THAP12: variants seen among roughly 807,000 people sequenced by gnomAD.
THAP12 encodes the protein 52 kDa repressor of the inhibitor of the protein kinase.
THAP12 carries 20 observed loss-of-function variants against 63.0 expected under a neutral mutation model. The observed-to-expected ratio is 0.32, with a 90% confidence interval of 0.22 to 0.46. The LOEUF (loss-of-function observed/expected upper bound fraction) is 0.46, where lower values mean the gene tolerates loss of function less well. THAP12 is among the 20% of genes least tolerant of loss of function. THAP12 has a pLI of 1.00. For synonymous variants in THAP12, 264 were observed against 328.4 expected, an observed-to-expected ratio of 0.80 and a Z score of 2.12; for missense variants, 568 against 908.2, an observed-to-expected ratio of 0.63 and a Z score of 4.81.
intron 1 of THAP12, among the ~76,000 whole-genome samples, chr11:76,374,565 A>G (rs1946695926): frequency 6.6e-6 from 1 of 152,168 alleles, no homozygotes; most frequent in Admixed American, 6.5e-5. Context: ...TTCTGAGAAA[A>G]TGTCTACTGA....
chr11:76,351,329 C>T lies in THAP12; in HGVS notation c.1821G>A (p.Leu607=). ...QHLKALKCLS[L]VPSVMGQLKF... is the part of the protein sequence containing the mutation. Reference sequence around the variant, plus strand: ...TGAGTTGTCCCATGACTGAGGGTACCAGAGATAAGCATTTAAGAGCTTTGA... The same window carrying T: ...TGAGTTGTCCCATGACTGAGGGTACTAGAGATAAGCATTTAAGAGCTTTGA... The change falls in exon 5 of 5, where the codon CTG becomes CTA. Residue 607 remains leucine, a synonymous_variant. Transcript: ENST00000260045. The T allele has an allele frequency of 2.1e-5, 33 of 1,590,266 alleles. No individual in the cohort carries two copies. Among genetic ancestry groups the T allele is most frequent in the Non-Finnish European group, 2.8e-5 (33 of 1,163,720 alleles).
chr11:76,376,209 T>C (rs1033552144), intron 1 of THAP12, among the ~76,000 whole-genome samples: 2 of 152,270 alleles, frequency 1.3e-5, no homozygotes, highest in East Asian at 1.9e-4. Context: ...AATTCTGTTG[T>C]ATTTTACCAA....
chr11:76,353,007 T>C (rs1946538344), intron 4 of THAP12, among the ~76,000 whole-genome samples: 1 of 152,158 alleles, frequency 6.6e-6, no homozygotes, highest in African/African-American at 2.4e-5. Flanking sequence ...TAAAGAGATA[T>C]ATTTTAATCC....
chr11:76,365,668 C>T (rs1946626479), intron 2 of THAP12, among the ~76,000 whole-genome samples, 184 bp downstream of exon 2: 1 of 152,052 alleles, frequency 6.6e-6, no homozygotes, highest in Non-Finnish European at 1.5e-5. Context: ...ATTATAGGCC[C>T]CCGGCAAAAT....
rs1053049225 is a variant in THAP12 at position 76,381,108 on chromosome 11, C to T, written c.-272G>A. The T allele has an allele frequency of 2.2e-5, 4 of 181,030 alleles. No homozygotes were observed. The highest frequency in any genetic ancestry group is 9.5e-5 in the African/African-American group (4 of 42,274). The allele number at this position is 181,030 out of a possible 1,614,324, so 11.2% of individuals were successfully genotyped here. On this transcript the variant is annotated 5_prime_UTR_variant, in exon 1 of 5. Transcript: ENST00000260045. ...TGGTGCACCTCCCGCCCGCCCGAGA[C>T]GCTGCCGCCTCCTTCCCACAATGCA...
intron 1 of THAP12, among the ~76,000 whole-genome samples, chr11:76,366,651 A>G (rs900987982): frequency 7.2e-5 from 11 of 152,014 alleles, no homozygotes; most frequent in African/African-American, 2.7e-4. Flanking sequence ...ACTGCACTCC[A>G]GCCTGGGTGA....
rs1253909017 is a variant in THAP12 at position 76,364,044 on chromosome 11, TCTAA to T, written c.210+1804_210+1807del. On this transcript the variant is annotated intron_variant, in intron 2 of 4. Transcript: ENST00000260045. ...CCTGGCTCATCTTTCTGTTCTATTC[TCTAA>T]CTAAAGAATGTAAGAATGAACTATC... Among the ~76,000 whole-genome samples, 10 of 152,360 alleles carry T rather than the reference TCTAA, an allele frequency of 6.6e-5. No homozygotes were observed. In the South Asian group the frequency reaches 1.4e-3, roughly 22 times the overall value.
chr11:76,366,682 G>GAA (rs755862384), intron 1 of THAP12, among the ~76,000 whole-genome samples: 3 of 137,758 alleles, frequency 2.2e-5, no homozygotes, highest in African/African-American at 2.7e-5. Flanking sequence ...CTCCGTCTCG[G>GAA]AAAAAAAAAA....
chr11:76,367,754 T>A (rs1324047299), intron 1 of THAP12, among the ~76,000 whole-genome samples: 1 of 149,962 alleles, frequency 6.7e-6, no homozygotes, highest in African/African-American at 2.4e-5. Context: ...AATCACAGTA[T>A]TTTTTTTTTA....
chr11:76,378,484 T>C (rs1590808809), intron 1 of THAP12, among the ~76,000 whole-genome samples: 1 of 152,320 alleles, frequency 6.6e-6, no homozygotes, highest in East Asian at 1.9e-4. Context: ...TTTATCTGTA[T>C]TTTTTTCCTA....
chr11:76,381,054 C>T lies in THAP12; in HGVS notation c.-218G>A, dbSNP rs575797647. Reference sequence around the variant, plus strand: ...CGCGGCTCCACAGTGCTGTGAGCGGCCGGGAGGATTTACCGCCGCCGCCGC... The same window carrying T: ...CGCGGCTCCACAGTGCTGTGAGCGGTCGGGAGGATTTACCGCCGCCGCCGC... On this transcript the variant is annotated 5_prime_UTR_variant, in exon 1 of 5. Transcript: ENST00000260045. The T allele has an allele frequency of 5.9e-3, 1,300 of 218,678 alleles. 6 individuals are homozygous for T. Among genetic ancestry groups the T allele is most frequent in the Non-Finnish European group, 7.9e-3 (892 of 112,884 alleles). 13.5% of individuals were successfully genotyped at this position (218,678 alleles called of 1,614,324 possible).
In THAP12 at chr11:76,358,998, A is replaced by G. The variant is rs951481313; in HGVS notation, c.318+1958T>C. The G allele has an allele frequency of 7.2e-5, 11 of 152,220 alleles. No individual in the cohort carries two copies. In the South Asian group the frequency reaches 8.3e-4, roughly 11 times the overall value. 9.4% of individuals were successfully genotyped at this position (152,220 alleles called of 1,614,324 possible). A position where few individuals can be genotyped will look rare whatever the true frequency, so the allele number is the denominator to read the frequency against. On this transcript the variant is annotated intron_variant, in intron 3 of 4. Coordinates refer to ENST00000260045, the MANE Select transcript of THAP12 (RefSeq NM_004705.4). The stretch of plus-strand genomic sequence containing the variant: ...ACAGGCAACAGAAAAAATTAAAATA[A>G]TAAGAACTGAAAGAGACAAATTTCT...
chr11:76,352,394 C>T lies in THAP12; in HGVS notation c.756G>A (p.Arg252=). The T allele has an allele frequency of 6.2e-7, 1 of 1,611,918 alleles. No individual in the cohort carries two copies. Among genetic ancestry groups the T allele is most frequent in the Non-Finnish European group, 8.5e-7 (1 of 1,179,800 alleles). Residue 252 remains arginine (R), a synonymous_variant, in exon 5 of 5, where the codon AGG becomes AGA. Transcript: ENST00000260045. The part of the protein sequence containing the change: ...CESCIREETL[R]EVRDSHFFSI... Reference sequence around the variant, plus strand: ...AAAAGAAGTGTGAGTCTCTCACTTCCCTGAGAGTTTCTTCTCGAATACAGC... The same window carrying T: ...AAAAGAAGTGTGAGTCTCTCACTTCTCTGAGAGTTTCTTCTCGAATACAGC...
At chr11:76,358,057 A>C (rs376479765) in intron 3 of THAP12, 54 of 152,320 alleles carry the variant, frequency 3.5e-4, no homozygotes, top group African/African-American at 1.3e-3. Context: ...AAAACACAAG[A>C]AAGAAAGAAA....
intron 3 of THAP12, chr11:76,356,654 C>T (rs988024185): frequency 2.6e-5 from 4 of 152,134 alleles, no homozygotes; most frequent in East Asian, 1.9e-4. Context: ...CCCTACATAA[C>T]GTAGCATAAC....
chr11:76,354,424 T>C (rs952122035), intron 4 of THAP12, among the ~76,000 whole-genome samples: 4 of 152,234 alleles, frequency 2.6e-5, no homozygotes, highest in African/African-American at 9.6e-5. Context: ...CCACTTCCAA[T>C]TAACAAGTAC....
chr11:76,379,121 T>C (rs978904540), intron 1 of THAP12, among the ~76,000 whole-genome samples: 15 of 152,178 alleles, frequency 9.9e-5, no homozygotes, highest in African/African-American at 3.6e-4. Context: ...AAGACCAACC[T>C]GGCCAACATA....
At chr11:76,365,788 C>T in intron 2 of THAP12, 64 bp downstream of exon 2, 3 of 1,542,734 alleles carry the variant, frequency 1.9e-6, no homozygotes, top group Non-Finnish European at 2.6e-6. Context: ...ACATTTCCAA[C>T]CAGACACAGT....
chr11:76,364,295 C>T (rs1946617120), intron 2 of THAP12: 2 of 256,340 alleles, frequency 7.8e-6, no homozygotes, highest in Non-Finnish European at 1.6e-5. Flanking sequence ...AAAAATATTC[C>T]TCAAATATTT....
Sources: allele counts gnomAD v4.1 joint callset (sites outside exome capture counted in the v4.1 genomes callset), GRCh38; gene constraint gnomAD v4.1.1; transcripts MANE v1.5; gene names NCBI Gene and HGNC (gene_info 2026-07-23, HGNC 2026-07-21).